The following USP48 variants were observed in gnomAD, a reference collection of about 807,000 sequenced individuals.
USP48 encodes the protein ubiquitin carboxyl-terminal hydrolase 48.
A neutral mutation model predicts 150.7 loss-of-function variants in USP48; 43 were observed. The observed-to-expected ratio is 0.29, with a 90% CI of 0.22 to 0.37. The LOEUF (loss-of-function observed/expected upper bound fraction) is 0.37, where lower values mean the gene tolerates loss of function less well. Ranked by LOEUF, USP48 falls within the 10% of genes least tolerant of loss-of-function variation. USP48 has a pLI of 1.00. For synonymous variants in USP48, 396 were observed against 425.9 expected, an observed-to-expected ratio of 0.93 and a Z score of 0.86; for missense variants, 813 against 1,249.6, an observed-to-expected ratio of 0.65 and a Z score of 5.27.
intron 23 of USP48, among the ~76,000 whole-genome samples, chr1:21,694,315 G>GT (rs1236639823): frequency 6.6e-6 from 1 of 152,036 alleles, no homozygotes; most frequent in African/African-American, 2.4e-5. Context: ...GCTCACGCCT[G>GT]TAATCTCAGC....
chr1:21,775,925 A>G (rs746393250), intron 1 of USP48, among the ~76,000 whole-genome samples: 8 of 152,204 alleles, frequency 5.3e-5, no homozygotes, highest in Non-Finnish European at 7.3e-5. Flanking sequence ...CTGTAACAAA[A>G]AGAAATTGTA....
rs936047635 is a variant in USP48, at chr1:21,733,349, G to A, written c.1171+3097C>T. Among the ~76,000 whole-genome samples the A allele has an allele frequency of 7.9e-5, 12 of 152,024 alleles. No homozygotes were observed. The East Asian group carries it at 1.3e-3, about 17-fold the overall frequency. On this transcript the variant is annotated intron_variant, in intron 9 of 26. Coordinates refer to ENST00000308271, the MANE Select transcript of USP48 (RefSeq NM_032236.8). ...GGAGAATCGTTTGAACCTGGGAGGTGGAAGTTGTAGTGAGCCGAGATCGCG... is the reference window on the plus strand; with the variant it reads ...GGAGAATCGTTTGAACCTGGGAGGTAGAAGTTGTAGTGAGCCGAGATCGCG...
intron 1 of USP48, among the ~76,000 whole-genome samples, chr1:21,774,135 C>T (rs1299025474): frequency 2.0e-5 from 3 of 151,274 alleles, no homozygotes; most frequent in East Asian, 2.0e-4. Flanking sequence ...GAGCAGATAA[C>T]GCCACTGCAC....
At chr1:21,767,379 C>A (rs974143667) in intron 1 of USP48, among the ~76,000 whole-genome samples, 4 of 152,088 alleles carry the variant, frequency 2.6e-5, no homozygotes, top group African/African-American at 4.8e-5. Flanking sequence ...TGCAGTGGTG[C>A]AGTGGCTCAA....
At chr1:21,701,714 C>T (rs2097657567) in intron 21 of USP48, 112 bp from the exon 22 acceptor site, 8 of 745,530 alleles carry the variant, frequency 1.1e-5, no homozygotes, top group South Asian at 9.3e-5. Flanking sequence ...ACACCTTTAT[C>T]ATGGTGGGAT....
intron 8 of USP48, among the ~76,000 whole-genome samples, chr1:21,738,891 G>A (rs1236478291): frequency 1.3e-5 from 2 of 152,156 alleles, no homozygotes; most frequent in Admixed American, 6.5e-5. Flanking sequence ...TGGGGAAACA[G>A]TAATGCAGAT....
In USP48 at chr1:21,751,437, C is replaced by G. The variant is rs570857478; in HGVS notation, c.774+70G>C. On this transcript the variant is annotated intron_variant, in intron 6 of 26. Transcript: ENST00000308271. ...AAAAGCTCTAGCCACTAAATCAAAA[C>G]AGAATAGCATTCAGAACAGCATTTA... The G allele has an allele frequency of 2.3e-5, 27 of 1,185,056 alleles. No individual in the cohort carries two copies. In the African/African-American group the frequency reaches 3.3e-4, roughly 15 times the overall value. 73.4% of individuals were successfully genotyped at this position (1,185,056 alleles called of 1,614,324 possible).
chr1:21,688,842 C>CAAAA (rs1185263002), intron 24 of USP48, among the ~76,000 whole-genome samples: 1,160 of 88,300 alleles, frequency 0.013, 30 homozygotes, highest in Non-Finnish European at 0.02. Flanking sequence ...GACTCCATCT[C>CAAAA]AAAAAAAAAA....
intron 1 of USP48, among the ~76,000 whole-genome samples, chr1:21,774,660 C>G (rs927127025): frequency 6.6e-6 from 1 of 151,978 alleles, no homozygotes; most frequent in Non-Finnish European, 1.5e-5. Flanking sequence ...GTACTCCAGC[C>G]TGGCAACAGA....
chr1:21,776,611 A>AG (rs1438526739), intron 1 of USP48, among the ~76,000 whole-genome samples: 1 of 149,436 alleles, frequency 6.7e-6, no homozygotes, highest in Non-Finnish European at 1.5e-5. Context: ...AAAAAAAAAA[A>AG]AAAAAAAGAA....
chr1:21,705,926 T>C (rs1249995210), intron 18 of USP48, 89 bp from the exon 19 acceptor site: 14 of 1,174,298 alleles, frequency 1.2e-5, no homozygotes, highest in Non-Finnish European at 1.7e-5. Flanking sequence ...AAATCAGAGA[T>C]ATATTTAAGA....
intron 25 of USP48, among the ~76,000 whole-genome samples, chr1:21,683,073 G>A (rs563910541): frequency 1.6e-4 from 25 of 151,912 alleles, no homozygotes; most frequent in Middle Eastern, 3.4e-3. Context: ...CCAGCCTGGC[G>A]AATATAGTGA....
At chr1:21,736,715 C>T (rs2152563517) in intron 8 of USP48, 90 bp from the exon 9 acceptor site, 2 of 1,150,866 alleles carry the variant, frequency 1.7e-6, no homozygotes, top group African/African-American at 1.6e-5. Flanking sequence ...CGAATCTTTA[C>T]ACATGTGGTA....
Position 21,678,354 on chromosome 1 carries a change from T to G in USP48, c.*1063A>C, listed in dbSNP as rs933585034. The stretch of plus-strand genomic sequence containing the variant: ...ATTAAAAAAACCCCTTCAATATTCT[T>G]AAGAATATTGCTTCGGTTACGTGTT... On this transcript the variant is annotated 3_prime_UTR_variant, in exon 27 of 27. Coordinates refer to ENST00000308271, the MANE Select transcript of USP48 (RefSeq NM_032236.8). The G allele has an allele frequency of 1.3e-5, 2 of 152,024 alleles. No individual in the cohort carries two copies. Among genetic ancestry groups the G allele is most frequent in the Non-Finnish European group, 2.9e-5 (2 of 68,010 alleles). 9.4% of individuals were successfully genotyped at this position (152,024 alleles called of 1,614,324 possible).
At chr1:21,747,020 TAG>T (rs1465538106) in intron 8 of USP48, 45 bp downstream of exon 8, 7 of 1,424,566 alleles carry the variant, frequency 4.9e-6, no homozygotes, top group Non-Finnish European at 6.7e-6. Context: ...GATCACAAGT[TAG>T]AGTCTCTGAG....
At chr1:21,687,110 G>A (rs2097582307) in intron 25 of USP48, 81 bp downstream of exon 25, 1 of 1,342,224 alleles carries the variant, frequency 7.5e-7, no homozygotes, top group Middle Eastern at 1.8e-4. Context: ...TAAAAGCACT[G>A]TACACTAAAG....
intron 3 of USP48, 41 bp from the exon 4 acceptor site, chr1:21,753,160 CT>C (rs764900511): frequency 6.4e-7 from 1 of 1,567,978 alleles, no homozygotes; most frequent in Non-Finnish European, 8.6e-7. Flanking sequence ...TTTTAAGGTG[CT>C]ACTTTTCTTT....
chr1:21,778,679 A>G (rs1482173592), intron 1 of USP48, among the ~76,000 whole-genome samples: 1 of 151,396 alleles, frequency 6.6e-6, no homozygotes. Context: ...TCAGGGGGCC[A>G]AGGCAGGAGG....
rs146668618 is a variant in USP48 at position 21,750,302 on chromosome 1, T to C, written c.774+1205A>G. On this transcript the variant is annotated intron_variant, in intron 6 of 26. Transcript: ENST00000308271. ...TGGGCTCTGCACTTGCTGTTTCATC[T>C]ACCCAGAACACTCTTCTCCTTGTTT... Among the ~76,000 whole-genome samples the C allele has an allele frequency of 2.7e-3, 418 of 152,288 alleles. 9 individuals carry two copies. The highest frequency in any genetic ancestry group is 3.0e-3 in the Non-Finnish European group (205 of 68,028).
Sources: gnomAD v4.1 joint callset for allele counts (sites outside exome capture counted in the v4.1 genomes callset) on GRCh38, gnomAD v4.1.1 for gene constraint, MANE v1.5 for transcripts, NCBI Gene and HGNC (gene_info 2026-07-23, HGNC 2026-07-21) for gene names.